Variants in UBA6 observed in about 807,000 individuals in gnomAD.
UBA6 encodes ubiquitin-like modifier-activating enzyme 6.
Under a neutral mutation model 148.3 loss-of-function variants are expected in UBA6, and 87 were observed. That is an observed-to-expected ratio of 0.59 (90% confidence interval 0.49 to 0.70). The LOEUF (loss-of-function observed/expected upper bound fraction) is 0.70. Among genes scored for constraint, UBA6 ranks in the 30% least tolerant of loss-of-function variants. The pLI is 0.00. For missense variants in UBA6, 1,186 were observed against 1,241.2 expected, an observed-to-expected ratio of 0.96 and a Z score of 0.67; for synonymous variants, 376 against 401.0, an observed-to-expected ratio of 0.94 and a Z score of 0.75.
intron 12 of UBA6, 192 bp from the exon 13 acceptor site, chr4:67,662,447 G>A: frequency 2.2e-6 from 1 of 453,732 alleles, no homozygotes; most frequent in South Asian, 5.3e-5. Flanking sequence ...ACTTATATCA[G>A]TATATAAATA....
chr4:67,659,095 A>G (rs1282645576), intron 13 of UBA6, among the ~76,000 whole-genome samples: 4 of 152,244 alleles, frequency 2.6e-5, no homozygotes, highest in African/African-American at 9.6e-5. Context: ...ACAGACTTCT[A>G]CAATCTATTT....
chr4:67,662,742 C>T (rs9991141), intron 12 of UBA6: 29,372 of 173,174 alleles, frequency 0.17, 2,604 homozygotes, highest in East Asian at 0.24. Flanking sequence ...GGATCATAGG[C>T]GTGAGCCACA....
chr4:67,701,102 A>T lies in UBA6; in HGVS notation c.18T>A (p.Pro6=), dbSNP rs1337389237. MEGSE[P]VAAHQGEEAS... ...CCTCTTCCCCCTGATGGGCGGCCAC[A>T]GGCTCGGATCCTTCCATTGCCGCCT... is the stretch of plus-strand genomic sequence containing the variant. Residue 6 remains proline, a synonymous_variant, in exon 1 of 33, where the codon CCT becomes CCA. Transcript: ENST00000322244. 3 of 1,613,226 alleles carry T rather than the reference A, an allele frequency of 1.9e-6. No homozygotes were observed. In the South Asian group the frequency reaches 3.3e-5, roughly 18 times the overall value.
At chr4:67,698,179 T>C (rs1730885419) in intron 1 of UBA6, among the ~76,000 whole-genome samples, 1 of 152,212 alleles carries the variant, frequency 6.6e-6, no homozygotes, top group Non-Finnish European at 1.5e-5. Flanking sequence ...ATTAAAATAT[T>C]GTGTCACAAA....
chr4:67,637,215 G>A (rs1196896504), intron 19 of UBA6, among the ~76,000 whole-genome samples: 2 of 151,122 alleles, frequency 1.3e-5, no homozygotes, highest in African/African-American at 4.9e-5. Flanking sequence ...CCCCGTCCGG[G>A]AGGGAGGTGG....
chr4:67,624,979 G>T lies in UBA6; in HGVS notation c.2712+15C>A. The T allele has an allele frequency of 6.4e-7, 1 of 1,558,422 alleles. No individual in the cohort carries two copies. Among genetic ancestry groups the T allele is most frequent in the Non-Finnish European group, 8.8e-7 (1 of 1,141,860 alleles). On this transcript the variant is annotated intron_variant, in intron 29 of 32. Coordinates refer to ENST00000322244, the MANE Select transcript of UBA6 (RefSeq NM_018227.6). ...TGAAAAAGGAGCATTTTTATTCAAG[G>T]AATAATAAACTTACCAAGCCAGAAA... is the stretch of plus-strand genomic sequence containing the variant.
chr4:67,668,601 C>T lies in UBA6; in HGVS notation c.743G>A (p.Arg248Gln), dbSNP rs538222703. ...KLETGQFLTF[R>Q]EINGMTGLNG... is the part of the protein sequence containing the mutation. The stretch of plus-strand genomic sequence containing the variant: ...TAAACCTGTCATTCCATTAATTTCT[C>T]GAAATGTTAGGAATTGTCCTGTCTC... The change falls in exon 9 of 33, where the codon CGA (arginine) becomes CAA (glutamine). Residue 248 changes from arginine to glutamine, a missense_variant. Physicochemically the swap from Arg to Gln is conservative, Grantham distance 43. Coordinates refer to ENST00000322244, the MANE Select transcript of UBA6 (RefSeq NM_018227.6). 37 of 1,612,654 alleles carry T rather than the reference C, an allele frequency of 2.3e-5. No individual in the cohort carries two copies. Among genetic ancestry groups the T allele is most frequent in the Non-Finnish European group, 3.0e-5 (35 of 1,178,900 alleles).
chr4:67,643,526 T>C (rs1398595741), intron 17 of UBA6, among the ~76,000 whole-genome samples: 1 of 152,072 alleles, frequency 6.6e-6, no homozygotes, highest in African/African-American at 2.4e-5. Flanking sequence ...GTGTGGTACA[T>C]GCTCTGAGTT....
chr4:67,631,698 A>G lies in UBA6; in HGVS notation c.2258+10T>C, dbSNP rs566721134. 2.3e-4 allele frequency: 369 copies of G among 1,589,302 alleles called. 6 individuals are homozygous for G. The South Asian group carries it at 3.8e-3, about 16-fold the overall frequency. ...ATGAAGGATACATAAAACTAAATAT[A>G]AATACTTACAAAGGCTCATTTAAAT... is the stretch of plus-strand genomic sequence containing the variant. On this transcript the variant is annotated intron_variant, in intron 25 of 32. Coordinates refer to ENST00000322244, the MANE Select transcript of UBA6 (RefSeq NM_018227.6).
chr4:67,624,473 TA>T (rs1325911429), intron 29 of UBA6, among the ~76,000 whole-genome samples: 1 of 152,054 alleles, frequency 6.6e-6, no homozygotes, highest in Non-Finnish European at 1.5e-5. Context: ...AACAGTTATT[TA>T]AAAAAATATT....
At position 67,644,805 on chromosome 4, in the gene UBA6, C is replaced by T. The variant is rs753957279; in HGVS notation, c.1396-27G>A. On this transcript the variant is annotated intron_variant, in intron 16 of 32. Transcript: ENST00000322244. ...TATGGAGGAGAAAAATGGTATATAT[C>T]AGATTAAAATAACCTATCTGTGAAT... The T allele has an allele frequency of 2.2e-5, 27 of 1,223,666 alleles. No individual in the cohort carries two copies. The South Asian group carries it at 3.4e-4, about 16-fold the overall frequency. The allele number at this position is 1,223,666 out of a possible 1,614,324, so 75.8% of individuals were successfully genotyped here.
rs766052183 is a variant in UBA6, at chr4:67,630,580, A to G, written c.2259-45T>C. ...AAGCAAAATTTGAATGTACAGTTTT[A>G]AAGACGATATTTAACTCATTATGAA... On this transcript the variant is annotated intron_variant, in intron 25 of 32. Transcript: ENST00000322244. The G allele has an allele frequency of 5.5e-6, 7 of 1,277,068 alleles. No homozygotes were observed. The Admixed American group carries it at 1.6e-4, about 29-fold the overall frequency. The allele number at this position is 1,277,068 out of a possible 1,614,324, so 79.1% of individuals were successfully genotyped here.
At chr4:67,625,991 T>C (rs1035499590) in intron 28 of UBA6, among the ~76,000 whole-genome samples, 1 of 151,928 alleles carries the variant, frequency 6.6e-6, no homozygotes, top group East Asian at 1.9e-4. Context: ...AATGGGTCTG[T>C]CCAAAGATTA....
chr4:67,650,985 C>T (rs181593572), intron 13 of UBA6, among the ~76,000 whole-genome samples: 3 of 152,236 alleles, frequency 2.0e-5, no homozygotes, highest in African/African-American at 7.2e-5. Flanking sequence ...CCATTAGAAG[C>T]TCCTTTTCAG....
At chr4:67,630,375 C>A in intron 26 of UBA6, 91 bp downstream of exon 26, 1 of 842,246 alleles carries the variant, frequency 1.2e-6, no homozygotes, top group Non-Finnish European at 1.8e-6. Flanking sequence ...ATTCTTATAA[C>A]AAACAAACAT....
chr4:67,638,211 A>G (rs1365294931), intron 19 of UBA6: 1 of 152,558 alleles, frequency 6.6e-6, no homozygotes, highest in Non-Finnish European at 1.5e-5. Flanking sequence ...CTTGCCTGGT[A>G]GAAGAACATG....
At chr4:67,667,838 C>T (rs1730045034) in intron 9 of UBA6, among the ~76,000 whole-genome samples, 1 of 152,150 alleles carries the variant, frequency 6.6e-6, no homozygotes, top group Non-Finnish European at 1.5e-5. Flanking sequence ...AATGACTTCG[C>T]ATTAGTCCAG....
At chr4:67,649,455 G>GGCATCA (rs1221030692) in intron 13 of UBA6, among the ~76,000 whole-genome samples, 1 of 151,918 alleles carries the variant, frequency 6.6e-6, no homozygotes, top group Non-Finnish European at 1.5e-5. Flanking sequence ...GTCACTCTAG[G>GGCATCA]GCATCATTTA....
At chr4:67,671,020 A>G (rs1294159836) in intron 7 of UBA6, among the ~76,000 whole-genome samples, 1 of 152,166 alleles carries the variant, frequency 6.6e-6, no homozygotes, top group Non-Finnish European at 1.5e-5. Flanking sequence ...GGAAAATAGA[A>G]TAGAGCTAAA....
Sources: allele counts gnomAD v4.1 joint callset (sites outside exome capture counted in the v4.1 genomes callset), GRCh38; gene constraint gnomAD v4.1.1; transcripts MANE v1.5; gene names NCBI Gene and HGNC (gene_info 2026-07-23, HGNC 2026-07-21).